Variants in EDA observed in about 807,000 individuals in gnomAD.
The protein encoded by EDA is ectodysplasin-A.
EDA carries 2 observed loss-of-function variants against 23.6 expected under a neutral mutation model. That is an observed-to-expected ratio of 0.08 (90% CI 0.03 to 0.27). EDA has a LOEUF of 0.27. Among genes scored for constraint, EDA ranks in the 10% least tolerant of loss-of-function variants. EDA has a pLI of 1.00. For missense variants in EDA, 229 were observed against 324.2 expected (o/e 0.71, Z 2.26); for synonymous variants, 131 against 132.0 (o/e 0.99, Z 0.05).
chrX:69,777,324 A>G (rs916699080), intron 1 of EDA, among the ~76,000 whole-genome samples: 1 of 110,916 alleles, frequency 9.0e-6, no homozygotes, highest in Admixed American at 9.7e-5. Flanking sequence ...GCCATAAATC[A>G]TGGCAAGTTG....
chrX:69,807,333 G>A (rs187945130), intron 1 of EDA, among the ~76,000 whole-genome samples: 1 of 104,137 alleles, frequency 9.6e-6, no homozygotes. Flanking sequence ...GCTATTGCTG[G>A]TAAAAGTGAG....
At chrX:69,927,086 T>C (rs1215082028) in intron 1 of EDA, among the ~76,000 whole-genome samples, 1 of 111,261 alleles carries the variant, frequency 9.0e-6, no homozygotes, top group Non-Finnish European at 1.9e-5. Context: ...AGCACACCAA[T>C]GGGTCTTGAC....
At position 70,037,633 on chromosome X, in the gene EDA, C is replaced by T. The variant is rs1458924346; in HGVS notation, c.*2024C>T. On this transcript the variant is annotated 3_prime_UTR_variant, in exon 8 of 8. Coordinates refer to ENST00000374552, the MANE Select transcript of EDA (RefSeq NM_001399.5). ...CTGACTCCAAAGCTGTTCCATTACA[C>T]CACAGCATTGTGTGGAATTTGAGGT... 9.0e-6 allele frequency: 1 copy of T among 111,477 alleles called. No homozygotes were observed. Among genetic ancestry groups the T allele is most frequent in the Non-Finnish European group, 1.9e-5 (1 of 53,111 alleles). The allele number at this position is 111,477 out of a possible 1,213,427, so 9.2% of individuals were successfully genotyped here.
At chrX:69,743,127 G>C (rs1462898465) in intron 1 of EDA, 1 of 110,965 alleles carries the variant, frequency 9.0e-6, no homozygotes, top group Non-Finnish European at 1.9e-5. Context: ...CCCTTTTACT[G>C]TTTTTGTGAG....
intron 1 of EDA, among the ~76,000 whole-genome samples, chrX:69,760,079 T>C (rs1357742745): frequency 1.9e-5 from 2 of 106,573 alleles, no homozygotes. Flanking sequence ...CCAGTGTGAA[T>C]GGATTCTGTA....
chrX:70,017,326 T>C (rs1241457786), intron 2 of EDA, among the ~76,000 whole-genome samples: 1 of 112,204 alleles, frequency 8.9e-6, no homozygotes, highest in African/African-American at 3.2e-5. Context: ...TTCCAAAAAG[T>C]TGAGGAGGAG....
intron 1 of EDA, among the ~76,000 whole-genome samples, chrX:69,849,096 C>T (rs1361949445): frequency 3.9e-4 from 19 of 49,059 alleles, no homozygotes; most frequent in East Asian, 6.2e-4. Context: ...CACACACACA[C>T]ACACACACAC....
chrX:69,818,420 A>G (rs1255583759), intron 1 of EDA, among the ~76,000 whole-genome samples: 2 of 111,715 alleles, frequency 1.8e-5, no homozygotes, highest in African/African-American at 6.5e-5. Context: ...TGAAAGCTCA[A>G]CAAATCCAGG....
intron 1 of EDA, among the ~76,000 whole-genome samples, chrX:69,828,190 G>A (rs1174069952): frequency 8.9e-6 from 1 of 112,143 alleles, no homozygotes; most frequent in Non-Finnish European, 1.9e-5. Flanking sequence ...GGAGCCTACA[G>A]AGGCAGGCAG....
At chrX:69,856,254 G>GGTGTGTGTGTGTGTGTGT (rs202079519) in intron 1 of EDA, among the ~76,000 whole-genome samples, 2 of 74,952 alleles carry the variant, frequency 2.7e-5, no homozygotes, top group Non-Finnish European at 5.1e-5. Flanking sequence ...AGTATTCCAT[G>GGTGTGTGTGTGTGTGTGT]GTGTGTGTGT....
At chrX:69,786,008 T>TGGC (rs1266644200) in intron 1 of EDA, among the ~76,000 whole-genome samples, 1 of 110,336 alleles carries the variant, frequency 9.1e-6, no homozygotes, top group East Asian at 2.8e-4. Flanking sequence ...AACCTCTTCC[T>TGGC]GGTTTAGTCT....
intron 1 of EDA, among the ~76,000 whole-genome samples, chrX:69,692,128 G>A (rs1405518148): frequency 9.0e-6 from 1 of 111,461 alleles, no homozygotes; most frequent in Non-Finnish European, 1.9e-5. Flanking sequence ...CCCTTTCTCT[G>A]AAATGAGGAA....
At chrX:69,797,997 G>A (rs761042809) in intron 1 of EDA, among the ~76,000 whole-genome samples, 1 of 111,533 alleles carries the variant, frequency 9.0e-6, no homozygotes, top group South Asian at 3.7e-4. Flanking sequence ...TACTCAAATG[G>A]GAACCAAAAG....
intron 1 of EDA, chrX:69,860,999 CTG>C (rs1396168511): frequency 2.0e-6 from 1 of 503,106 alleles, no homozygotes; most frequent in Non-Finnish European, 3.6e-6. Context: ...TCAATAATAA[CTG>C]TTAAATGAAC....
chrX:69,939,260 T>C (rs2018721603), intron 1 of EDA, among the ~76,000 whole-genome samples: 1 of 111,988 alleles, frequency 8.9e-6, no homozygotes, highest in Non-Finnish European at 1.9e-5. Flanking sequence ...TGTGTCCTCT[T>C]CAATTTCTTA....
intron 1 of EDA, among the ~76,000 whole-genome samples, chrX:69,820,591 G>C (rs758685806): frequency 1.3e-4 from 15 of 112,263 alleles, no homozygotes; most frequent in African/African-American, 4.2e-4. Flanking sequence ...GACATGAACA[G>C]ACACTTCTCT....
At chrX:69,751,350 T>C (rs1602365763) in intron 1 of EDA, among the ~76,000 whole-genome samples, 1 of 112,289 alleles carries the variant, frequency 8.9e-6, no homozygotes, top group South Asian at 3.6e-4. Context: ...TGTGGTATTA[T>C]TTCTGAGGGC....
At chrX:69,917,867 G>A (rs2018368313) in intron 1 of EDA, among the ~76,000 whole-genome samples, 1 of 110,999 alleles carries the variant, frequency 9.0e-6, no homozygotes, top group African/African-American at 3.3e-5. Flanking sequence ...AATATATTTT[G>A]AGGTTCTCTT....
chrX:69,824,601 G>T (rs1177007485), intron 1 of EDA, among the ~76,000 whole-genome samples: 1 of 104,448 alleles, frequency 9.6e-6, no homozygotes, highest in Non-Finnish European at 2.0e-5. Flanking sequence ...ATTTTGGGCT[G>T]AGACAATGGG....
Sources: gnomAD v4.1 joint callset for allele counts (sites outside exome capture counted in the v4.1 genomes callset) on GRCh38, gnomAD v4.1.1 for gene constraint, MANE v1.5 for transcripts, NCBI Gene and HGNC (gene_info 2026-07-23, HGNC 2026-07-21) for gene names.